Variants in HBS1L observed in about 807,000 individuals in gnomAD.
HBS1L encodes the protein HBS1 like translational GTPase.
A neutral mutation model predicts 88.9 loss-of-function variants in HBS1L; 55 were observed. That is an observed-to-expected ratio of 0.62 (90% CI 0.50 to 0.77). The LOEUF is 0.77. Among genes scored for constraint, HBS1L ranks in the 30% least tolerant of loss-of-function variants. HBS1L has a pLI of 0.00. For synonymous variants in HBS1L, 267 were observed against 288.5 expected (o/e 0.93, Z 0.76); for missense variants, 741 against 829.3 (o/e 0.89, Z 1.31).
At chr6:135,005,240 A>G (rs1775578206) in intron 4 of HBS1L, among the ~76,000 whole-genome samples, 1 of 152,246 alleles carries the variant, frequency 6.6e-6, no homozygotes, top group Admixed American at 6.5e-5. Context: ...TCTCAGCTAT[A>G]ATTTCAAAAT....
rs572914222 is a variant in HBS1L, at chr6:135,020,713, G to A, written c.431-17871C>T. The stretch of plus-strand genomic sequence containing the variant: ...AATATGTACTATAAGTCTTAAAAAT[G>A]CCCATCCCTTTTCATCCAGCAATTC... On this transcript the variant is annotated intron_variant, in intron 4 of 17. Coordinates refer to ENST00000367837, the MANE Select transcript of HBS1L (RefSeq NM_006620.4). Among the ~76,000 whole-genome samples, 9 of 152,046 alleles carry A rather than the reference G, an allele frequency of 5.9e-5. No homozygotes were observed. The South Asian group carries it at 1.7e-3, about 28-fold the overall frequency.
At chr6:135,015,662 A>G (rs1441320590) in intron 4 of HBS1L, among the ~76,000 whole-genome samples, 1 of 151,622 alleles carries the variant, frequency 6.6e-6, no homozygotes, top group African/African-American at 2.4e-5. Flanking sequence ...GCTCACTGCA[A>G]CCTCTGCCTC....
At chr6:135,001,613 T>C (rs1477707734) in intron 5 of HBS1L, among the ~76,000 whole-genome samples, 1 of 152,120 alleles carries the variant, frequency 6.6e-6, no homozygotes, top group Admixed American at 6.5e-5. Flanking sequence ...ACACGAAGCT[T>C]TTTGAGACTG....
Position 135,039,613 on chromosome 6 carries a change from G to A in HBS1L, c.390C>T (p.Asp130=). The A allele has an allele frequency of 1.9e-6, 3 of 1,614,022 alleles. No homozygotes were observed. Among genetic ancestry groups the A allele is most frequent in the Non-Finnish European group, 2.5e-6 (3 of 1,179,994 alleles). Residue 130 remains aspartate (D), a synonymous_variant, in exon 4 of 18, where the codon GAC becomes GAT. Transcript: ENST00000367837. ...CTGTAGATACTGTTGCCTCATTCTT[G>A]TCCTTCAAACTCTGCACTCTATCTT... ...LEQDRVQSLK[D]KNEATVSTGK...
chr6:134,994,079 G>C (rs1253835732), intron 7 of HBS1L, among the ~76,000 whole-genome samples: 1 of 152,030 alleles, frequency 6.6e-6, no homozygotes, highest in Non-Finnish European at 1.5e-5. Context: ...TAACATAAAA[G>C]GGAGGACAAA....
At chr6:134,987,595 T>A in intron 9 of HBS1L, 50 bp downstream of exon 9, 1 of 1,450,200 alleles carries the variant, frequency 6.9e-7, no homozygotes, top group African/African-American at 1.4e-5. Flanking sequence ...ACAAGCAGAA[T>A]AACATCTTAA....
intron 9 of HBS1L, among the ~76,000 whole-genome samples, chr6:134,987,145 A>G (rs1198825563): frequency 6.6e-6 from 1 of 152,126 alleles, no homozygotes; most frequent in Non-Finnish European, 1.5e-5. Context: ...ATAGACTAGA[A>G]TACAGCCATA....
At chr6:135,022,939 G>T (rs1489063714) in intron 4 of HBS1L, among the ~76,000 whole-genome samples, 1 of 150,280 alleles carries the variant, frequency 6.7e-6, no homozygotes, top group African/African-American at 2.4e-5. Flanking sequence ...AAAAAAAAGA[G>T]GTTGCATCTC....
intron 8 of HBS1L, among the ~76,000 whole-genome samples, chr6:134,990,148 A>G (rs1346131206): frequency 6.6e-6 from 1 of 152,182 alleles, no homozygotes; most frequent in African/African-American, 2.4e-5. Context: ...TAAGGCCACA[A>G]ATGTTCTACC....
At chr6:135,032,514 A>G (rs1583139810) in intron 4 of HBS1L, among the ~76,000 whole-genome samples, 1 of 152,156 alleles carries the variant, frequency 6.6e-6, no homozygotes, top group Non-Finnish European at 1.5e-5. Context: ...AACAATTTCT[A>G]AACTATTATA....
intron 15 of HBS1L, among the ~76,000 whole-genome samples, chr6:134,973,730 G>A (rs1774560916): frequency 6.6e-6 from 1 of 152,010 alleles, no homozygotes. Context: ...GGCAGTTCCG[G>A]GAGGCTGAGG....
intron 4 of HBS1L, among the ~76,000 whole-genome samples, chr6:135,003,780 G>A (rs1171098793): frequency 2.0e-5 from 3 of 152,110 alleles, no homozygotes; most frequent in South Asian, 2.1e-4. Flanking sequence ...CAGGAGAACT[G>A]CTTGAACCCA....
chr6:134,995,471 G>A (rs1051116286), intron 7 of HBS1L, among the ~76,000 whole-genome samples: 3 of 151,818 alleles, frequency 2.0e-5, no homozygotes, highest in Non-Finnish European at 2.9e-5. Flanking sequence ...GCAAAAATAT[G>A]AAAGCCAATC....
intron 8 of HBS1L, among the ~76,000 whole-genome samples, 184 bp from the exon 9 acceptor site, chr6:134,987,975 T>G (rs569170194): frequency 6.6e-6 from 1 of 152,052 alleles, no homozygotes; most frequent in South Asian, 2.1e-4. Context: ...TCACCAAAAA[T>G]AATGACACAA....
intron 4 of HBS1L, among the ~76,000 whole-genome samples, chr6:135,038,656 G>A (rs1041322979): frequency 3.3e-5 from 5 of 152,028 alleles, no homozygotes; most frequent in African/African-American, 7.2e-5. Flanking sequence ...TAAACAAATC[G>A]CCATACTCAA....
At chr6:135,031,994 T>A (rs1164690646) in intron 4 of HBS1L, among the ~76,000 whole-genome samples, 3 of 151,850 alleles carry the variant, frequency 2.0e-5, no homozygotes, top group Admixed American at 1.3e-4. Context: ...CCTTGCACTG[T>A]CATCTCTGCA....
chr6:135,043,306 T>C (rs1188796310), intron 2 of HBS1L, among the ~76,000 whole-genome samples: 3 of 152,204 alleles, frequency 2.0e-5, no homozygotes, highest in Non-Finnish European at 2.9e-5. Context: ...CAAGGTATTA[T>C]TAGAGGTATT....
intron 2 of HBS1L, among the ~76,000 whole-genome samples, chr6:135,043,519 G>A (rs532925413): frequency 3.9e-5 from 6 of 152,224 alleles, no homozygotes; most frequent in East Asian, 1.9e-4. Flanking sequence ...ACCTATACTC[G>A]GAAGGTTAAA....
chr6:134,993,857 A>G lies in HBS1L; in HGVS notation c.984T>C (p.Val328=). 6.3e-7 allele frequency: 1 copy of G among 1,592,336 alleles called. No individual in the cohort carries two copies. Among genetic ancestry groups the G allele is most frequent in the Non-Finnish European group, 8.6e-7 (1 of 1,162,410 alleles). The change falls in exon 8 of 18, where the codon GTT becomes GTC. Residue 328 remains valine (V), a synonymous_variant. Coordinates refer to ENST00000367837, the MANE Select transcript of HBS1L (RefSeq NM_006620.4). ...TTGTGGTTTCAAACTTTGTCATACC[A>G]ACATCCATGGTTACTCCCCTTAAAC... The part of the protein sequence containing the change: ...EERERGVTMD[V]GMTKFETTTK...
Sources: allele counts gnomAD v4.1 joint callset (sites outside exome capture counted in the v4.1 genomes callset), GRCh38; gene constraint gnomAD v4.1.1; transcripts MANE v1.5; gene names NCBI Gene and HGNC (gene_info 2026-07-23, HGNC 2026-07-21).